Variants in METTL15 observed in about 807,000 individuals in gnomAD.
METTL15 encodes the protein methyltransferase 15, mitochondrial 12S rRNA N4-cytidine.
METTL15 carries 34 observed loss-of-function variants against 38.3 expected under a neutral mutation model. That is an observed-to-expected ratio of 0.89 (90% CI 0.68 to 1.18). METTL15 has a LOEUF of 1.18. METTL15 is among the 50% of genes most tolerant of loss of function. The pLI, the probability that METTL15 is intolerant of heterozygous loss-of-function variation, is 0.00. For missense variants in METTL15, 438 were observed against 498.4 expected, an observed-to-expected ratio of 0.88 and a Z score of 1.15; for synonymous variants, 162 against 170.9, an observed-to-expected ratio of 0.95 and a Z score of 0.41.
chr11:28,292,518 T>C (rs1211135403), intron 5 of METTL15, among the ~76,000 whole-genome samples: 1 of 152,140 alleles, frequency 6.6e-6, no homozygotes, highest in Non-Finnish European at 1.5e-5. Context: ...TCAATAAACA[T>C]ACGTGTGCGT....
At chr11:28,505,680 T>C (rs1401990756) in intron 6 of METTL15, among the ~76,000 whole-genome samples, 1 of 152,238 alleles carries the variant, frequency 6.6e-6, no homozygotes, top group African/African-American at 2.4e-5. Flanking sequence ...AATGTCTTAT[T>C]CATCTGGAAA....
intron 4 of METTL15, chr11:28,287,113 C>T (rs1199319575): frequency 6.4e-6 from 1 of 156,566 alleles, no homozygotes; most frequent in Non-Finnish European, 1.4e-5. Context: ...ATATATATAA[C>T]CCATATATAT....
At chr11:28,420,789 C>G (rs1165868927) in intron 5 of METTL15, among the ~76,000 whole-genome samples, 1 of 151,870 alleles carries the variant, frequency 6.6e-6, no homozygotes, top group Non-Finnish European at 1.5e-5. Context: ...AATAAACAAC[C>G]CAGCAATGCA....
At chr11:28,131,516 T>TA in intron 3 of METTL15, among the ~76,000 whole-genome samples, 1 of 151,848 alleles carries the variant, frequency 6.6e-6, no homozygotes, top group Non-Finnish European at 1.5e-5. Context: ...TTTTTTTTTT[T>TA]TTTTTGCCAT....
At chr11:28,308,627 GTTATC>G (rs896837136) in intron 6 of METTL15, among the ~76,000 whole-genome samples, 1 of 151,978 alleles carries the variant, frequency 6.6e-6, no homozygotes, top group Non-Finnish European at 1.5e-5. Context: ...AAATCATTCA[GTTATC>G]TTATATGAGC....
At chr11:28,418,696 T>A (rs570182562) in intron 5 of METTL15, among the ~76,000 whole-genome samples, 1 of 152,298 alleles carries the variant, frequency 6.6e-6, no homozygotes, top group Non-Finnish European at 1.5e-5. Context: ...AAGACAGTTT[T>A]GAATTGTCAA....
intron 3 of METTL15, among the ~76,000 whole-genome samples, chr11:28,206,590 G>A (rs1852356830): frequency 6.8e-6 from 1 of 148,022 alleles, no homozygotes; most frequent in Non-Finnish European, 1.5e-5. Flanking sequence ...TGGCAATGCG[G>A]GCTGTTTTCT....
chr11:28,469,188 T>A (rs1360599772), intron 6 of METTL15, among the ~76,000 whole-genome samples: 1 of 152,214 alleles, frequency 6.6e-6, no homozygotes, highest in Non-Finnish European at 1.5e-5. Flanking sequence ...TTCTGATAAC[T>A]GGCTTCCATC....
At chr11:28,233,942 T>C (rs930424804) in intron 4 of METTL15, among the ~76,000 whole-genome samples, 34 of 150,996 alleles carry the variant, frequency 2.3e-4, no homozygotes, top group African/African-American at 8.3e-4. Context: ...CTCCTAATGC[T>C]ATCCCTCCCC....
chr11:28,487,944 A>C (rs1851451768), intron 6 of METTL15, among the ~76,000 whole-genome samples: 1 of 152,182 alleles, frequency 6.6e-6, no homozygotes, highest in Admixed American at 6.5e-5. Flanking sequence ...AAAAAGCCAA[A>C]ATTTGTAACT....
intron 6 of METTL15, among the ~76,000 whole-genome samples, chr11:28,433,147 T>G (rs1850949726): frequency 6.7e-6 from 1 of 149,016 alleles, no homozygotes; most frequent in African/African-American, 2.4e-5. Flanking sequence ...GCAGGACTTC[T>G]CTCAGGTTTT....
At chr11:28,525,920 G>A (rs767017015) in intron 6 of METTL15, among the ~76,000 whole-genome samples, 14 of 152,264 alleles carry the variant, frequency 9.2e-5, no homozygotes, top group Admixed American at 2.6e-4. Flanking sequence ...CAGGCATGGT[G>A]GGCTGCAGGT....
At chr11:28,401,104 C>T (rs1197583461) in intron 5 of METTL15, among the ~76,000 whole-genome samples, 1 of 151,962 alleles carries the variant, frequency 6.6e-6, no homozygotes, top group Non-Finnish European at 1.5e-5. Context: ...AATGACATGC[C>T]AGTGGCAAAT....
At chr11:28,389,859 G>A (rs1192439564) in intron 5 of METTL15, among the ~76,000 whole-genome samples, 3 of 151,678 alleles carry the variant, frequency 2.0e-5, no homozygotes, top group Non-Finnish European at 2.9e-5. Context: ...CAGTGTAAAA[G>A]TGTTCCTATT....
At chr11:28,528,415 G>C (rs1851826087), downstream of METTL15, among the ~76,000 whole-genome samples, 1 of 152,186 alleles carries the variant, frequency 6.6e-6, no homozygotes, top group East Asian at 1.9e-4. Flanking sequence ...TAAAGGAACA[G>C]TCACCTCTTC....
intron 6 of METTL15, among the ~76,000 whole-genome samples, chr11:28,500,382 A>T (rs569445577): frequency 6.6e-6 from 1 of 152,238 alleles, no homozygotes; most frequent in Admixed American, 6.5e-5. Context: ...CCTATTCTAC[A>T]TCTGTTGAGG....
intron 3 of METTL15, among the ~76,000 whole-genome samples, chr11:28,153,558 A>G (rs1010761728): frequency 7.2e-5 from 11 of 152,152 alleles, no homozygotes; most frequent in African/African-American, 2.7e-4. Flanking sequence ...GTGAATAGAT[A>G]AAAGAAAAAT....
chr11:28,409,534 G>A (rs1277851486), intron 5 of METTL15, among the ~76,000 whole-genome samples: 1 of 151,850 alleles, frequency 6.6e-6, no homozygotes, highest in Non-Finnish European at 1.5e-5. Flanking sequence ...ACAACAAATG[G>A]ATCAAAGCAG....
chr11:28,255,518 G>T (rs1351921498), intron 4 of METTL15, among the ~76,000 whole-genome samples: 1 of 152,116 alleles, frequency 6.6e-6, no homozygotes, highest in Admixed American at 6.6e-5. Flanking sequence ...CATCCTTGTT[G>T]TGTTCCAGAT....
Sources: allele counts gnomAD v4.1 joint callset (sites outside exome capture counted in the v4.1 genomes callset), GRCh38; gene constraint gnomAD v4.1.1; transcripts MANE v1.5; gene names NCBI Gene and HGNC (gene_info 2026-07-23, HGNC 2026-07-21).